The following CSMD3 variants were observed in gnomAD, a reference collection of about 807,000 sequenced individuals.
The protein encoded by CSMD3 is CUB and sushi domain-containing protein 3.
CSMD3 carries 177 observed loss-of-function variants against 435.2 expected under a neutral mutation model. The ratio of observed to expected loss-of-function variants is 0.41; its 90% confidence interval spans 0.36 to 0.46. The LOEUF (loss-of-function observed/expected upper bound fraction) is 0.46, where lower values mean the gene tolerates loss of function less well. Ranked by LOEUF, CSMD3 falls within the 20% of genes least tolerant of loss-of-function variation. CSMD3 has a pLI of 0.34. For synonymous variants in CSMD3, 1,656 were observed against 1,520.5 expected (o/e 1.09, Z -2.07); for missense variants, 4,265 against 4,504.6 (o/e 0.95, Z 1.52).
intron 13 of CSMD3, among the ~76,000 whole-genome samples, chr8:112,747,553 A>G (rs889962296): frequency 2.0e-5 from 3 of 152,180 alleles, no homozygotes; most frequent in Non-Finnish European, 4.4e-5. Flanking sequence ...TTTAAAAAAC[A>G]TAGTAAGTTT....
At chr8:113,078,101 T>C (rs1394260023) in intron 5 of CSMD3, among the ~76,000 whole-genome samples, 1 of 152,128 alleles carries the variant, frequency 6.6e-6, no homozygotes, top group Non-Finnish European at 1.5e-5. Context: ...ACAAATTATA[T>C]TCAATGCTGG....
intron 38 of CSMD3, among the ~76,000 whole-genome samples, chr8:112,355,136 C>T (rs181784647): frequency 6.6e-6 from 1 of 152,310 alleles, no homozygotes; most frequent in Admixed American, 6.5e-5. Context: ...GCTAGGATAA[C>T]TGGCTAGCCA....
At chr8:112,722,461 G>A (rs1480998877) in intron 13 of CSMD3, among the ~76,000 whole-genome samples, 5 of 152,084 alleles carry the variant, frequency 3.3e-5, no homozygotes, top group South Asian at 2.1e-4. Flanking sequence ...ATGTATTTAC[G>A]GGTGAAAGCA....
At chr8:112,632,151 T>A (rs970371380) in intron 22 of CSMD3, among the ~76,000 whole-genome samples, 2 of 152,014 alleles carry the variant, frequency 1.3e-5, no homozygotes, top group African/African-American at 4.8e-5. Context: ...ACATTTTCAT[T>A]TTGGAATAGT....
At chr8:113,289,584 G>T (rs1261020416) in intron 2 of CSMD3, among the ~76,000 whole-genome samples, 1 of 137,300 alleles carries the variant, frequency 7.3e-6, no homozygotes, top group East Asian at 2.4e-4. Context: ...GAGAGAGAGA[G>T]AGAGAAATAC....
At chr8:113,121,744 A>G (rs1234274889) in intron 4 of CSMD3, among the ~76,000 whole-genome samples, 5 of 151,962 alleles carry the variant, frequency 3.3e-5, no homozygotes, top group African/African-American at 1.2e-4. Context: ...TCCACTTCTG[A>G]AAAAAAATGG....
intron 22 of CSMD3, among the ~76,000 whole-genome samples, chr8:112,635,565 T>A (rs868783075): frequency 1.3e-5 from 2 of 151,944 alleles, no homozygotes; most frequent in Non-Finnish European, 2.9e-5. Context: ...CCTGAGAGTA[T>A]GATTACTTAT....
At chr8:112,393,620 T>C (rs1830623454) in intron 35 of CSMD3, among the ~76,000 whole-genome samples, 1 of 152,234 alleles carries the variant, frequency 6.6e-6, no homozygotes, top group Non-Finnish European at 1.5e-5. Context: ...TCCATGCTGC[T>C]ACAGTGACAA....
intron 11 of CSMD3, among the ~76,000 whole-genome samples, chr8:112,833,159 T>A (rs2079925667): frequency 6.6e-6 from 1 of 152,104 alleles, no homozygotes; most frequent in Non-Finnish European, 1.5e-5. Context: ...ACCATTTGTC[T>A]TTCACATATC....
intron 23 of CSMD3, among the ~76,000 whole-genome samples, chr8:112,585,670 C>A (rs940304792): frequency 6.6e-6 from 1 of 151,520 alleles, no homozygotes. Context: ...TTAGGTAGAA[C>A]AATAATAGGC....
At chr8:113,348,532 G>A (rs2094167320) in intron 1 of CSMD3, among the ~76,000 whole-genome samples, 1 of 152,058 alleles carries the variant, frequency 6.6e-6, no homozygotes. Context: ...AAGCAGGGAG[G>A]AAGATGCAAA....
intron 22 of CSMD3, among the ~76,000 whole-genome samples, chr8:112,622,488 C>T (rs558874712): frequency 6.6e-6 from 1 of 152,280 alleles, no homozygotes; most frequent in African/African-American, 2.4e-5. Context: ...ACAATGTTCT[C>T]CAACATCTAA....
chr8:112,464,525 C>T (rs972937676), intron 32 of CSMD3, among the ~76,000 whole-genome samples: 3 of 151,906 alleles, frequency 2.0e-5, no homozygotes, highest in Admixed American at 6.6e-5. Flanking sequence ...GAGACCTTCC[C>T]TCCTCTGAAG....
chr8:112,761,451 T>C (rs1426790133), intron 13 of CSMD3, among the ~76,000 whole-genome samples: 1 of 152,150 alleles, frequency 6.6e-6, no homozygotes, highest in African/African-American at 2.4e-5. Flanking sequence ...AGTAAGCTAC[T>C]AGGATCTATC....
chr8:113,328,578 G>A (rs955873137), intron 1 of CSMD3, among the ~76,000 whole-genome samples: 1 of 151,898 alleles, frequency 6.6e-6, no homozygotes, highest in African/African-American at 2.4e-5. Flanking sequence ...GAATTAACCT[G>A]GGAAAGTCAC....
chr8:112,636,613 C>G (rs1411098478), intron 22 of CSMD3, among the ~76,000 whole-genome samples: 1 of 151,576 alleles, frequency 6.6e-6, no homozygotes, highest in Non-Finnish European at 1.5e-5. Context: ...TATCTGAAAA[C>G]AAATTTATAA....
chr8:113,430,911 A>G (rs574029966), intron 1 of CSMD3, among the ~76,000 whole-genome samples: 73 of 152,242 alleles, frequency 4.8e-4, no homozygotes, highest in Admixed American at 5.2e-4. Context: ...ACAGCTTAGC[A>G]AAGCAACTTA....
chr8:113,293,236 C>CATATAT, intron 2 of CSMD3, among the ~76,000 whole-genome samples: 1 of 149,042 alleles, frequency 6.7e-6, no homozygotes, highest in East Asian at 2.0e-4. Context: ...TATATATATA[C>CATATAT]ATATATATAT....
intron 69 of CSMD3, among the ~76,000 whole-genome samples, chr8:112,229,509 G>A (rs2129854084): frequency 6.6e-6 from 1 of 151,984 alleles, no homozygotes; most frequent in South Asian, 2.1e-4. Flanking sequence ...GCTGACTGCA[G>A]CCTCCACCTC....
Sources: allele counts gnomAD v4.1 joint callset (sites outside exome capture counted in the v4.1 genomes callset), GRCh38; gene constraint gnomAD v4.1.1; transcripts MANE v1.5; gene names NCBI Gene and HGNC (gene_info 2026-07-23, HGNC 2026-07-21).